The following NCEH1 variants were observed in gnomAD, a reference collection of about 807,000 sequenced individuals.
NCEH1 encodes the protein 2-acetyl MAGE hydrolase.
In NCEH1, 9 loss-of-function variants were observed where a neutral mutation model predicts 25.4. The observed-to-expected ratio is 0.35, with a 90% CI of 0.21 to 0.62. The LOEUF (loss-of-function observed/expected upper bound fraction) is 0.62, where lower values mean the gene tolerates loss of function less well. Ranked by LOEUF, NCEH1 falls within the 20% of genes least tolerant of loss-of-function variation. The probability of loss-of-function intolerance (pLI) is 0.72; values close to 1 mark genes in which losing one functional copy is unlikely to be tolerated. For missense variants in NCEH1, 412 were observed against 501.1 expected (o/e 0.82, Z 1.70); for synonymous variants, 200 against 199.8 (o/e 1.00, Z -0.01).
At chr3:172,674,580 AT>A (rs35584536) in intron 1 of NCEH1, among the ~76,000 whole-genome samples, 69,833 of 151,770 alleles carry the variant, frequency 0.46, 18,822 homozygotes, top group African/African-American at 0.77. Context: ...TTTTTAACGC[AT>A]TATTTACAGG....
At chr3:172,685,678 C>A (rs536059705) in intron 1 of NCEH1, among the ~76,000 whole-genome samples, 1 of 152,102 alleles carries the variant, frequency 6.6e-6, no homozygotes, top group Non-Finnish European at 1.5e-5. Context: ...TCCCCTTCAT[C>A]GACTTAACTT....
At chr3:172,637,938 T>C (rs553830295) in intron 3 of NCEH1, among the ~76,000 whole-genome samples, 25 of 151,084 alleles carry the variant, frequency 1.7e-4, no homozygotes, top group Middle Eastern at 3.4e-3. Flanking sequence ...TCCCAGCTAG[T>C]TGGGAGGCTG....
chr3:172,701,466 T>TTTTTTTTTTTA (rs1159407444), intron 1 of NCEH1, among the ~76,000 whole-genome samples: 1 of 143,590 alleles, frequency 7.0e-6, no homozygotes. Flanking sequence ...TTTTTTTTTT[T>TTTTTTTTTTTA]AAAGACGGAG....
chr3:172,664,611 T>C (rs961873881), intron 1 of NCEH1, among the ~76,000 whole-genome samples: 2 of 152,228 alleles, frequency 1.3e-5, no homozygotes, highest in Non-Finnish European at 2.9e-5. Flanking sequence ...CAAAAGTAGA[T>C]TTGGTCTTTT....
intron 3 of NCEH1, among the ~76,000 whole-genome samples, chr3:172,644,822 T>C (rs766911084): frequency 5.9e-5 from 9 of 152,244 alleles, no homozygotes; most frequent in Non-Finnish European, 1.2e-4. Context: ...AAATTCATAT[T>C]GTCTATTTCC....
At chr3:172,667,284 A>G (rs1718259497) in intron 1 of NCEH1, among the ~76,000 whole-genome samples, 1 of 152,240 alleles carries the variant, frequency 6.6e-6, no homozygotes, top group South Asian at 2.1e-4. Context: ...GGGGATTTTA[A>G]GTACGGAAGT....
At chr3:172,642,194 G>T (rs1384993035) in intron 3 of NCEH1, among the ~76,000 whole-genome samples, 1 of 151,844 alleles carries the variant, frequency 6.6e-6, no homozygotes, top group Non-Finnish European at 1.5e-5. Context: ...TTTGTTTTGA[G>T]ATAGGGTCTC....
At chr3:172,699,051 C>T (rs554174576) in intron 1 of NCEH1, among the ~76,000 whole-genome samples, 10 of 152,126 alleles carry the variant, frequency 6.6e-5, no homozygotes, top group African/African-American at 2.4e-4. Context: ...TAAGTAGCAA[C>T]ATAAGCAACA....
At chr3:172,686,727 T>TGA (rs1288122417) in intron 1 of NCEH1, among the ~76,000 whole-genome samples, 2 of 152,146 alleles carry the variant, frequency 1.3e-5, no homozygotes, top group Non-Finnish European at 2.9e-5. Flanking sequence ...CTTCCAGAAA[T>TGA]GTGGTAGTAC....
Position 172,635,896 on chromosome 3 carries a change from C to A in NCEH1, c.609+20G>T. 6.2e-7 allele frequency: 1 copy of A among 1,613,258 alleles called. No homozygotes were observed. The highest frequency in any genetic ancestry group is 8.5e-7 in the Non-Finnish European group (1 of 1,179,362). On this transcript the variant is annotated intron_variant, in intron 4 of 4. Coordinates refer to ENST00000475381, the MANE Select transcript of NCEH1 (RefSeq NM_020792.6). ...TCATGCACCGCTTAACCCACCAGCACCTTAGGACAGTGGTGTTACCTGTTG... is the reference window on the plus strand; with the variant it reads ...TCATGCACCGCTTAACCCACCAGCAACTTAGGACAGTGGTGTTACCTGTTG...
At chr3:172,684,728 C>A (rs1712602765) in intron 1 of NCEH1, among the ~76,000 whole-genome samples, 3 of 152,214 alleles carry the variant, frequency 2.0e-5, no homozygotes, top group African/African-American at 7.2e-5. Context: ...CACCTGTAAT[C>A]CCAGCACTTT....
chr3:172,648,309 C>G (rs2302817), intron 1 of NCEH1, among the ~76,000 whole-genome samples, 195 bp from the exon 2 acceptor site: 2,531 of 152,232 alleles, frequency 0.017, 169 homozygotes, highest in East Asian at 0.15. Context: ...TACATGAGAT[C>G]TCCTCAGGTA....
chr3:172,685,781 G>A (rs186967697), intron 1 of NCEH1, among the ~76,000 whole-genome samples: 72 of 152,114 alleles, frequency 4.7e-4, no homozygotes, highest in Non-Finnish European at 8.2e-4. Flanking sequence ...TCCTCACCAC[G>A]TGCAACCTTG....
Position 172,678,503 on chromosome 3 carries a change from G to T in NCEH1, c.139-30389C>A, listed in dbSNP as rs115305428. ...ACAAGTCACTCCTTCCAAACGTTTA[G>T]TCTATTGAAAGATCCACAATTACAA... is the stretch of plus-strand genomic sequence containing the variant. On this transcript the variant is annotated intron_variant, in intron 1 of 4. Transcript: ENST00000475381. 8.8e-3 allele frequency among the ~76,000 whole-genome samples: 1,346 copies of T among 152,260 alleles called. 7 individuals are homozygous for T. Among genetic ancestry groups the T allele is most frequent in the Non-Finnish European group, 0.014 (970 of 68,024 alleles).
At chr3:172,695,302 T>C (rs1713295659) in intron 1 of NCEH1, among the ~76,000 whole-genome samples, 1 of 152,234 alleles carries the variant, frequency 6.6e-6, no homozygotes, top group Admixed American at 6.5e-5. Context: ...CACTTTAATT[T>C]AACAAAATGT....
Position 172,711,048 on chromosome 3 carries a change from T to C in NCEH1, c.-64A>G. The C allele has an allele frequency of 6.2e-7, 1 of 1,610,082 alleles. No individual in the cohort carries two copies. The highest frequency in any genetic ancestry group is 8.5e-7 in the Non-Finnish European group (1 of 1,177,068). On this transcript the variant is annotated 5_prime_UTR_variant, in exon 1 of 5. Coordinates refer to ENST00000475381, the MANE Select transcript of NCEH1 (RefSeq NM_020792.6). ...GAAAGGGCGATACCACCCGGAGACC[T>C]CCGGCAACTTTCTGCCCGCGGCAGC...
rs561400039 is a variant in NCEH1 at position 172,645,678 on chromosome 3, CATA to C, written c.379_381del (p.Tyr127del). 2 of 1,591,080 alleles carry C rather than the reference CATA, an allele frequency of 1.3e-6. No homozygotes were observed. Among genetic ancestry groups the C allele is most frequent in the Non-Finnish European group, 1.7e-6 (2 of 1,167,922 alleles). On this transcript the variant is annotated inframe_deletion, in exon 3 of 5. Coordinates refer to ENST00000475381, the MANE Select transcript of NCEH1 (RefSeq NM_020792.6). Reference sequence around the variant, plus strand: ...TCAGCCATTGCTGTACACAGCTCATCATAATACCTGATTTCTAAAAGACACAAA... The same window carrying C: ...TCAGCCATTGCTGTACACAGCTCATCATACCTGATTTCTAAAAGACACAAA...
chr3:172,701,799 C>T (rs569200730), intron 1 of NCEH1, among the ~76,000 whole-genome samples: 1 of 151,090 alleles, frequency 6.6e-6, no homozygotes, highest in East Asian at 1.9e-4. Flanking sequence ...GTCTACACTG[C>T]CACTGAGAAG....
intron 1 of NCEH1, among the ~76,000 whole-genome samples, chr3:172,667,476 G>T (rs1003087002): frequency 2.6e-5 from 4 of 152,216 alleles, no homozygotes; most frequent in African/African-American, 7.2e-5. Context: ...ATCACAGAAG[G>T]TGGATGACCT....
Sources: allele counts gnomAD v4.1 joint callset (sites outside exome capture counted in the v4.1 genomes callset), GRCh38; gene constraint gnomAD v4.1.1; transcripts MANE v1.5; gene names NCBI Gene and HGNC (gene_info 2026-07-23, HGNC 2026-07-21).